The following TMED7 variants were observed in gnomAD, a reference collection of about 807,000 sequenced individuals.
TMED7 encodes transmembrane emp24 domain-containing protein 7.
In TMED7, 8 loss-of-function variants were observed where a neutral mutation model predicts 23.4. The ratio of observed to expected loss-of-function variants is 0.34; its 90% CI spans 0.20 to 0.62. The LOEUF (loss-of-function observed/expected upper bound fraction) is 0.62. Ranked by LOEUF, TMED7 falls within the 20% of genes least tolerant of loss-of-function variation. The pLI is 0.77. For synonymous variants in TMED7, 121 were observed against 108.5 expected (o/e 1.12, Z -0.72); for missense variants, 232 against 279.1 (o/e 0.83, Z 1.20).
In TMED7 at chr5:115,625,620, T is replaced by C; in HGVS notation, c.173A>G (p.Lys58Arg). Reference sequence around the variant, plus strand: ...TGATACCTGGAACTCCAGGGTGCACTTGGTGCCCTGAGCGATGTCCTCGTA... The same window carrying C: ...TGATACCTGGAACTCCAGGGTGCACCTGGTGCCCTGAGCGATGTCCTCGTA... ...CFYEDIAQGT[K>R]CTLEFQVITG... The change falls in exon 1 of 3, where the codon AAG (lysine) becomes AGG (arginine). Residue 58 changes from lysine to arginine, a missense_variant. Lys to Arg is a conservative substitution (Grantham distance 26). Coordinates refer to ENST00000456936, the MANE Select transcript of TMED7 (RefSeq NM_181836.6). The C allele has an allele frequency of 1.3e-6, 2 of 1,592,702 alleles. No individual in the cohort carries two copies. The highest frequency in any genetic ancestry group is 1.1e-5 in the South Asian group (1 of 88,208).
chr5:115,625,464 G>T, intron 1 of TMED7, 137 bp downstream of exon 1: 1 of 1,002,458 alleles, frequency 1.0e-6, no homozygotes, highest in Non-Finnish European at 1.3e-6. Flanking sequence ...TCAAATGCTG[G>T]GCATCAGCTA....
intron 1 of TMED7, 141 bp downstream of exon 1, chr5:115,625,460 G>C (rs1309267053): frequency 7.2e-6 from 7 of 971,954 alleles, no homozygotes; most frequent in Non-Finnish European, 9.8e-6. Context: ...AAAGTCAAAT[G>C]CTGGGCATCA....
Position 115,620,527 on chromosome 5 carries a change from T to C in TMED7, c.346A>G (p.Thr116Ala), listed in dbSNP as rs563972808. The change falls in exon 2 of 3, where the codon ACT (threonine) becomes GCT (alanine). Residue 116 changes from threonine (T) to alanine (A), a missense_variant. Thr to Ala is a moderately conservative substitution (Grantham distance 58). Coordinates refer to ENST00000456936, the MANE Select transcript of TMED7 (RefSeq NM_181836.6). ...AAATATACAGTTTTATGTGTGAAAG[T>C]AGAAAATTCATTGCTGAAGCAAAAT... is the stretch of plus-strand genomic sequence containing the variant. ...YKFCFSNEFS[T>A]FTHKTVYFDF... 5 of 1,605,112 alleles carry C rather than the reference T, an allele frequency of 3.1e-6. No homozygotes were observed. The highest frequency in any genetic ancestry group is 4.5e-5 in the East Asian group (2 of 44,424).
chr5:115,616,505 A>G (rs1756754992), intron 2 of TMED7, 60 bp from the exon 3 acceptor site: 1 of 1,601,346 alleles, frequency 6.2e-7, no homozygotes, highest in African/African-American at 1.3e-5. Context: ...CATCTATCAT[A>G]TTCAGCTTTT....
chr5:115,615,910 A>C lies in TMED7; in HGVS notation c.*299T>G, dbSNP rs1756713643. ...AAAGTAGTCTTAAATGGTTAAAAGG[A>C]ATCAAAATACCAAAGTTTAGTGTGC... On this transcript the variant is annotated 3_prime_UTR_variant, in exon 3 of 3. Transcript: ENST00000456936. 1 of 334,578 alleles carries C rather than the reference A, an allele frequency of 3.0e-6. No individual in the cohort carries two copies. The highest frequency in any genetic ancestry group is 2.1e-5 in the African/African-American group (1 of 48,194). The allele number at this position is 334,578 out of a possible 1,614,324, so 20.7% of individuals were successfully genotyped here.
chr5:115,616,923 T>G (rs1756783130), intron 2 of TMED7, among the ~76,000 whole-genome samples: 1 of 152,216 alleles, frequency 6.6e-6, no homozygotes, highest in Non-Finnish European at 1.5e-5. Context: ...TGAACTATGT[T>G]TAAAACAGCC....
intron 1 of TMED7, among the ~76,000 whole-genome samples, chr5:115,624,078 A>G (rs1481393516): frequency 1.3e-5 from 2 of 152,218 alleles, no homozygotes; most frequent in Admixed American, 6.5e-5. Context: ...CTGTCTACAC[A>G]TAACAGATGC....
In TMED7 at chr5:115,614,318, G is replaced by C. The variant is rs1756600894; in HGVS notation, c.*1891C>G. 6.6e-6 allele frequency: 1 copy of C among 152,480 alleles called. No individual in the cohort carries two copies. The highest frequency in any genetic ancestry group is 1.9e-4 in the East Asian group (1 of 5,190). The allele number at this position is 152,480 out of a possible 1,614,324, so 9.4% of individuals were successfully genotyped here. On this transcript the variant is annotated 3_prime_UTR_variant, in exon 3 of 3. Coordinates refer to ENST00000456936, the MANE Select transcript of TMED7 (RefSeq NM_181836.6). Reference sequence around the variant, plus strand: ...ATGCTAATATTCTGAAGTTTTGAGAGGCACAGATTAAATGAGTGCACTATC... The same window carrying C: ...ATGCTAATATTCTGAAGTTTTGAGACGCACAGATTAAATGAGTGCACTATC...
intron 1 of TMED7, among the ~76,000 whole-genome samples, chr5:115,625,364 G>A (rs1433873139): frequency 6.6e-6 from 1 of 152,114 alleles, no homozygotes; most frequent in Non-Finnish European, 1.5e-5. Context: ...AAAATGAGAT[G>A]GAAAGAAATG....
chr5:115,625,903 G>A lies in TMED7; in HGVS notation c.-111C>T, dbSNP rs956818577. Reference sequence around the variant, plus strand: ...GCAGGCCACCCCGCAAAGATACACAGCAGAGCAGGTTCACGCCTGTGGGAG... The same window carrying A: ...GCAGGCCACCCCGCAAAGATACACAACAGAGCAGGTTCACGCCTGTGGGAG... On this transcript the variant is annotated 5_prime_UTR_variant, in exon 1 of 3. Transcript: ENST00000456936. The A allele has an allele frequency of 4.7e-6, 6 of 1,286,656 alleles. No homozygotes were observed. Among genetic ancestry groups the A allele is most frequent in the Non-Finnish European group, 5.9e-6 (6 of 1,015,942 alleles). 79.7% of individuals were successfully genotyped at this position (1,286,656 alleles called of 1,614,324 possible). A position where few individuals can be genotyped will look rare whatever the true frequency, so the allele number is the denominator to read the frequency against.
intron 1 of TMED7, among the ~76,000 whole-genome samples, chr5:115,621,897 G>T (rs1194825111): frequency 6.6e-6 from 1 of 151,660 alleles, no homozygotes; most frequent in Admixed American, 6.5e-5. Flanking sequence ...GGATTTAAAA[G>T]AAGGATCTGT....
chr5:115,617,379 A>C (rs1264086736), intron 2 of TMED7, among the ~76,000 whole-genome samples: 1 of 152,192 alleles, frequency 6.6e-6, no homozygotes, highest in Admixed American at 6.5e-5. Flanking sequence ...AGTTCTGCCA[A>C]AGTAAGTATG....
At position 115,616,095 on chromosome 5, in the gene TMED7, A is replaced by G; in HGVS notation, c.*114T>C. ...TATGCATTGTACATCCCTCCCAACA[A>G]GTGTATGAGTAAGGATTTAAAAATG... On this transcript the variant is annotated 3_prime_UTR_variant, in exon 3 of 3. Transcript: ENST00000456936. 1 of 997,028 alleles carries G rather than the reference A, an allele frequency of 1.0e-6. No homozygotes were observed. Among genetic ancestry groups the G allele is most frequent in the Non-Finnish European group, 1.5e-6 (1 of 655,838 alleles). The allele number at this position is 997,028 out of a possible 1,614,324, so 61.8% of individuals were successfully genotyped here.
chr5:115,616,359 G>T lies in TMED7; in HGVS notation c.525C>A (p.Gly175=). The T allele has an allele frequency of 6.2e-7, 1 of 1,614,020 alleles. No homozygotes were observed. Among genetic ancestry groups the T allele is most frequent in the East Asian group, 2.2e-5 (1 of 44,888 alleles). The change falls in exon 3 of 3, where the codon GGC becomes GGA. Residue 175 remains glycine, a synonymous_variant. Coordinates refer to ENST00000456936, the MANE Select transcript of TMED7 (RefSeq NM_181836.6). ...QTHFRLREAQ[G]RSRAEDLNTR... ...TATTTAGATCCTCTGCTCGGCTTCG[G>T]CCTTGAGCTTCTCTTAAACGGAAAT...
rs1208444650 is a variant in TMED7, at chr5:115,620,506, A to G, written c.367T>C (p.Tyr123His). 1 of 1,600,896 alleles carries G rather than the reference A, an allele frequency of 6.2e-7. No homozygotes were observed. Among genetic ancestry groups the G allele is most frequent in the Non-Finnish European group, 8.5e-7 (1 of 1,174,666 alleles). Residue 123 changes from tyrosine (Y) to histidine (H), a missense_variant, in exon 2 of 3, where the codon TAT becomes CAT. Tyr to His is a moderately conservative substitution (Grantham distance 83). Transcript: ENST00000456936. ...EFSTFTHKTV[Y>H]FDFQVGEDPP... ...TCTTCTCCAACTTGAAAATCAAAAT[A>G]TACAGTTTTATGTGTGAAAGTAGAA... is the stretch of plus-strand genomic sequence containing the variant.
intron 2 of TMED7, among the ~76,000 whole-genome samples, chr5:115,617,582 G>A (rs964727350): frequency 2.2e-5 from 3 of 134,142 alleles, no homozygotes; most frequent in African/African-American, 8.9e-5. Context: ...AGGAGCTAGA[G>A]AGAGATGTGC....
chr5:115,625,401 A>G (rs1210247112), intron 1 of TMED7, among the ~76,000 whole-genome samples, 200 bp downstream of exon 1: 3 of 152,230 alleles, frequency 2.0e-5, no homozygotes, highest in Admixed American at 6.5e-5. Flanking sequence ...TGGAATTCAT[A>G]TATTTTAACA....
chr5:115,618,471 A>T (rs777616525), intron 2 of TMED7, among the ~76,000 whole-genome samples: 1 of 152,232 alleles, frequency 6.6e-6, no homozygotes, highest in Non-Finnish European at 1.5e-5. Context: ...GTAAGTGTTC[A>T]TTAATCTTTA....
Position 115,620,609 on chromosome 5 carries a change from C to T in TMED7, c.264G>A (p.Glu88=), listed in dbSNP as rs750645927. The change falls in exon 2 of 3, where the codon GAG becomes GAA. Residue 88 remains glutamate (E), a synonymous_variant. Coordinates refer to ENST00000456936, the MANE Select transcript of TMED7 (RefSeq NM_181836.6). ...TAAAACTATCATACTGTTTCTTCAT[C>T]TCTTTGTATAACACTTTACCATCAG... ...EDPDGKVLYK[E]MKKQYDSFTF... 2 of 1,600,226 alleles carry T rather than the reference C, an allele frequency of 1.2e-6. No homozygotes were observed. The highest frequency in any genetic ancestry group is 1.7e-6 in the Non-Finnish European group (2 of 1,174,496).
Sources: allele counts gnomAD v4.1 joint callset (sites outside exome capture counted in the v4.1 genomes callset), GRCh38; gene constraint gnomAD v4.1.1; transcripts MANE v1.5; gene names NCBI Gene and HGNC (gene_info 2026-07-23, HGNC 2026-07-21).